GRM1: variants seen among roughly 807,000 people sequenced by gnomAD.
GRM1 encodes the protein metabotropic glutamate receptor 1.
In GRM1, 33 loss-of-function variants were observed where a neutral mutation model predicts 90.9. The ratio of observed to expected loss-of-function variants is 0.36; its 90% CI spans 0.28 to 0.49. The LOEUF (loss-of-function observed/expected upper bound fraction) is 0.49, where lower values mean the gene tolerates loss of function less well. Among genes scored for constraint, GRM1 ranks in the 20% least tolerant of loss-of-function variants. The pLI is 0.99. For missense variants in GRM1, 1,190 were observed against 1,534.3 expected, an observed-to-expected ratio of 0.78 and a Z score of 3.75; for synonymous variants, 700 against 613.2, an observed-to-expected ratio of 1.14 and a Z score of -2.09.
At chr6:146,164,789 C>T (rs771765456) in intron 2 of GRM1, among the ~76,000 whole-genome samples, 3 of 152,102 alleles carry the variant, frequency 2.0e-5, no homozygotes, top group Non-Finnish European at 4.4e-5. Flanking sequence ...TATCCTGAGC[C>T]TCCACCCTGG....
At chr6:146,241,606 C>T (rs1407999008) in intron 2 of GRM1, among the ~76,000 whole-genome samples, 2 of 152,136 alleles carry the variant, frequency 1.3e-5, no homozygotes, top group Non-Finnish European at 2.9e-5. Flanking sequence ...CTTAGGTTCC[C>T]AAGGTTCACT....
In GRM1 at chr6:146,338,248, A is replaced by G. The variant is rs546686938; in HGVS notation, c.1187-14002A>G. Among the ~76,000 whole-genome samples, 271 of 152,352 alleles carry G rather than the reference A, an allele frequency of 1.8e-3. 2 individuals carry two copies. Among genetic ancestry groups the G allele is most frequent in the African/African-American group, 6.0e-3 (248 of 41,584 alleles). On this transcript the variant is annotated intron_variant, in intron 3 of 7. Transcript: ENST00000282753. ...TTTACTGGGCTATGGCAGGTATGCTATGAATCGGCTTTTTCAATGGTGATA... is the reference window on the plus strand; with the variant it reads ...TTTACTGGGCTATGGCAGGTATGCTGTGAATCGGCTTTTTCAATGGTGATA...
At chr6:146,225,106 A>C (rs1780194630) in intron 2 of GRM1, among the ~76,000 whole-genome samples, 1 of 152,084 alleles carries the variant, frequency 6.6e-6, no homozygotes, top group Non-Finnish European at 1.5e-5. Context: ...AGACTTAAGA[A>C]AATTTCTCAG....
intron 1 of GRM1, among the ~76,000 whole-genome samples, chr6:146,133,347 T>C (rs1338664872): frequency 6.6e-6 from 1 of 152,216 alleles, no homozygotes; most frequent in Non-Finnish European, 1.5e-5. Context: ...GATGACTTAA[T>C]AGCAAAAAGG....
At chr6:146,329,041 T>G (rs1784500028) in intron 3 of GRM1, among the ~76,000 whole-genome samples, 1 of 152,186 alleles carries the variant, frequency 6.6e-6, no homozygotes, top group South Asian at 2.1e-4. Context: ...TGGGACCATC[T>G]GTTACCATCT....
At chr6:146,036,600 A>C (rs1221550431) in intron 1 of GRM1, among the ~76,000 whole-genome samples, 2 of 152,002 alleles carry the variant, frequency 1.3e-5, no homozygotes, top group Non-Finnish European at 2.9e-5. Flanking sequence ...TCTTAAACTT[A>C]AGGCATTGTA....
At chr6:146,180,937 A>G (rs556231735) in intron 2 of GRM1, among the ~76,000 whole-genome samples, 1 of 152,226 alleles carries the variant, frequency 6.6e-6, no homozygotes, top group Non-Finnish European at 1.5e-5. Flanking sequence ...TAATGGCAGG[A>G]GATATAATCT....
At chr6:146,073,251 G>A (rs1017201569) in intron 1 of GRM1, among the ~76,000 whole-genome samples, 3 of 152,056 alleles carry the variant, frequency 2.0e-5, no homozygotes, top group Non-Finnish European at 2.9e-5. Flanking sequence ...CAAACCCTAC[G>A]GTAGTTTGTT....
intron 3 of GRM1, among the ~76,000 whole-genome samples, chr6:146,330,907 G>A (rs1784565687): frequency 6.6e-6 from 1 of 152,130 alleles, no homozygotes; most frequent in African/African-American, 2.4e-5. Flanking sequence ...GTCAAGTTGA[G>A]GTGTTGGGGC....
At chr6:146,376,256 A>G (rs1381337871) in intron 5 of GRM1, among the ~76,000 whole-genome samples, 1 of 152,016 alleles carries the variant, frequency 6.6e-6, no homozygotes, top group Non-Finnish European at 1.5e-5. Context: ...AAGTTGTGGT[A>G]TTTATTACTT....
chr6:146,061,011 C>T (rs1206669710), intron 1 of GRM1, among the ~76,000 whole-genome samples: 1 of 151,962 alleles, frequency 6.6e-6, no homozygotes, highest in Non-Finnish European at 1.5e-5. Flanking sequence ...TGATGTTGAC[C>T]AATTGGCCTA....
intron 3 of GRM1, among the ~76,000 whole-genome samples, chr6:146,349,586 C>A (rs79893347): frequency 0.027 from 4,136 of 152,018 alleles, 129 homozygotes; most frequent in East Asian, 0.097. Flanking sequence ...TTCTGTAACA[C>A]TGATTTGATT....
rs1207974111 is a variant in GRM1, at chr6:146,031,526, CAT to C, written c.700+1311_700+1312del. The stretch of plus-strand genomic sequence containing the variant: ...AAGGGAACAGAATTTTCAGAACAAA[CAT>C]AAATGATATAGGATTACACATTATA... On this transcript the variant is annotated intron_variant, in intron 1 of 7. Coordinates refer to ENST00000282753, the MANE Select transcript of GRM1 (RefSeq NM_001278064.2). Among the ~76,000 whole-genome samples the C allele has an allele frequency of 2.6e-5, 4 of 152,222 alleles. No individual in the cohort carries two copies. The East Asian group carries it at 7.7e-4, about 29-fold the overall frequency.
intron 3 of GRM1, among the ~76,000 whole-genome samples, chr6:146,330,488 C>T (rs1406950118): frequency 6.6e-6 from 1 of 152,142 alleles, no homozygotes; most frequent in Non-Finnish European, 1.5e-5. Flanking sequence ...ACATAACAAA[C>T]TCCTACATGT....
intron 2 of GRM1, among the ~76,000 whole-genome samples, chr6:146,229,004 G>T (rs1780354804): frequency 6.6e-6 from 1 of 152,074 alleles, no homozygotes; most frequent in Non-Finnish European, 1.5e-5. Flanking sequence ...TAGTATGAGG[G>T]TGAGGGTGTA....
chr6:146,292,701 A>G (rs1783030934), intron 2 of GRM1, among the ~76,000 whole-genome samples: 1 of 151,980 alleles, frequency 6.6e-6, no homozygotes, highest in African/African-American at 2.4e-5. Flanking sequence ...CAAGGAAAAC[A>G]GTTTGGTAGT....
chr6:146,290,871 A>C (rs1205541467), intron 2 of GRM1, among the ~76,000 whole-genome samples: 1 of 152,114 alleles, frequency 6.6e-6, no homozygotes, highest in African/African-American at 2.4e-5. Context: ...TTGATGCTGT[A>C]ATGGGTTGAG....
intron 1 of GRM1, among the ~76,000 whole-genome samples, chr6:146,121,887 G>T (rs1776002606): frequency 1.3e-5 from 2 of 152,208 alleles, no homozygotes; most frequent in South Asian, 2.1e-4. Context: ...GCAATGTGGT[G>T]CTGAGAAGAA....
chr6:146,074,272 G>A (rs1776111025), intron 1 of GRM1, among the ~76,000 whole-genome samples: 1 of 152,100 alleles, frequency 6.6e-6, no homozygotes, highest in Non-Finnish European at 1.5e-5. Context: ...TCTCGAAAAG[G>A]TTGCAGGGTG....
Sources: gnomAD v4.1 joint callset for allele counts (sites outside exome capture counted in the v4.1 genomes callset) on GRCh38, gnomAD v4.1.1 for gene constraint, MANE v1.5 for transcripts, NCBI Gene and HGNC (gene_info 2026-07-23, HGNC 2026-07-21) for gene names.